PRKDC: variants seen among roughly 807,000 people sequenced by gnomAD.
PRKDC encodes DNA-dependent protein kinase catalytic subunit.
PRKDC carries 82 observed loss-of-function variants against 486.9 expected under a neutral mutation model. The ratio of observed to expected loss-of-function variants is 0.17; its 90% CI spans 0.14 to 0.20. The LOEUF (loss-of-function observed/expected upper bound fraction) is 0.20. Ranked by LOEUF, PRKDC falls within the 10% of genes least tolerant of loss-of-function variation. The pLI is 1.00. For synonymous variants in PRKDC, 1,895 were observed against 1,837.0 expected (o/e 1.03, Z -0.81); for missense variants, 4,504 against 5,038.2 (o/e 0.89, Z 3.21).
chr8:47,782,069 G>T lies in PRKDC; in HGVS notation c.11489+93C>A. The stretch of plus-strand genomic sequence containing the variant: ...AGCAGACTGCGGGGCAGGCAGTGTG[G>T]GCTCTCGAGCGCGCCTGTCACGGCC... On this transcript the variant is annotated intron_variant, in intron 80 of 85. Transcript: ENST00000314191. The surrounding 1 kb of genome is among the most constrained non-coding windows in gnomAD (Gnocchi z 4.9). 9.1e-7 allele frequency: 1 copy of T among 1,096,214 alleles called. No homozygotes were observed. The highest frequency in any genetic ancestry group is 1.4e-6 in the Non-Finnish European group (1 of 734,796). The allele number at this position is 1,096,214 out of a possible 1,614,324, so 67.9% of individuals were successfully genotyped here.
At chr8:47,946,177 A>C (rs1231919251) in intron 7 of PRKDC, among the ~76,000 whole-genome samples, 3 of 152,076 alleles carry the variant, frequency 2.0e-5, no homozygotes, top group Non-Finnish European at 4.4e-5. Flanking sequence ...TAAAAATAGG[A>C]AAAATTAGCT....
At chr8:47,777,176 T>C (rs577620814) in intron 84 of PRKDC, among the ~76,000 whole-genome samples, 193 bp from the exon 85 acceptor site, 4 of 151,950 alleles carry the variant, frequency 2.6e-5, no homozygotes, top group Admixed American at 2.0e-4. Context: ...GCCTCAGCAG[T>C]CCCCTTATTT....
rs1167261691 is a variant in PRKDC, at chr8:47,890,408, A to G, written c.3920T>C (p.Ile1307Thr). 7 of 1,604,410 alleles carry G rather than the reference A, an allele frequency of 4.4e-6. No homozygotes were observed. Among genetic ancestry groups the G allele is most frequent in the South Asian group, 3.4e-5 (3 of 89,418 alleles). The change falls in exon 32 of 86, where the codon ATA becomes ACA. Residue 1307 changes from isoleucine to threonine, a missense_variant. Ile to Thr is a moderately conservative substitution (Grantham distance 89). Around this residue, in one of 6 missense-constraint regions of PRKDC, gnomAD observed 1,969 missense variants for 2,068.9 expected, o/e 0.95. Coordinates refer to ENST00000314191, the MANE Select transcript of PRKDC (RefSeq NM_006904.7). ...FLESIAMHDIIAAEKCFGTGA... is the reference protein window; with the variant it reads ...FLESIAMHDITAAEKCFGTGA... ...AGTGCCAAAGCACTTTTCTGCTGCT[A>G]TAATGTCATGCATGGCAATGCTTTC...
intron 19 of PRKDC, among the ~76,000 whole-genome samples, chr8:47,928,255 G>A (rs2090187415): frequency 6.7e-6 from 1 of 149,628 alleles, no homozygotes; most frequent in South Asian, 2.1e-4. Flanking sequence ...TCCTTCAAGC[G>A]ATTCTCCTGC....
intron 40 of PRKDC, among the ~76,000 whole-genome samples, chr8:47,874,620 G>T (rs1229877249): frequency 6.6e-6 from 1 of 151,730 alleles, no homozygotes; most frequent in African/African-American, 2.4e-5. Context: ...TTACCCAAGT[G>T]TGGTGGTGTG....
Position 47,837,418 on chromosome 8 carries a change from A to C in PRKDC, c.7555T>G (p.Leu2519Val), listed in dbSNP as rs1373693505. ...TGGCTCCAGAAATTTCGAATAATTA[A>C]TCTGAAAAGCAAAGAGAAAAAAGTA... is the stretch of plus-strand genomic sequence containing the variant. Reference protein sequence around the residue: ...GLIDENPGLQLIIRNFWSHET... With the variant: ...GLIDENPGLQVIIRNFWSHET... The change falls in exon 57 of 86, where the codon TTA becomes GTA. Residue 2519 changes from leucine to valine, a missense_variant and splice_region_variant. Coordinates refer to ENST00000314191, the MANE Select transcript of PRKDC (RefSeq NM_006904.7). The C allele has an allele frequency of 6.3e-7, 1 of 1,596,448 alleles. No individual in the cohort carries two copies. Among genetic ancestry groups the C allele is most frequent in the South Asian group, 1.1e-5 (1 of 90,450 alleles).
chr8:47,945,718 G>A (rs1407003974), intron 7 of PRKDC, among the ~76,000 whole-genome samples: 7 of 151,848 alleles, frequency 4.6e-5, no homozygotes, highest in Non-Finnish European at 1.0e-4. Context: ...ACATAGGTGT[G>A]AAAATTCTAT....
chr8:47,803,557 C>T (rs2087154018), intron 69 of PRKDC, 77 bp from the exon 70 acceptor site: 2 of 1,348,918 alleles, frequency 1.5e-6, no homozygotes, highest in African/African-American at 1.4e-5. Context: ...GGCCTGCTTC[C>T]CCCTTTGCAC....
At chr8:47,802,144 A>G (rs1411610556) in intron 70 of PRKDC, among the ~76,000 whole-genome samples, 1 of 152,080 alleles carries the variant, frequency 6.6e-6, no homozygotes, top group Non-Finnish European at 1.5e-5. Flanking sequence ...AGGCACAATC[A>G]TGGCTCACTG....
intron 40 of PRKDC, 67 bp from the exon 41 acceptor site, chr8:47,864,830 A>G: frequency 7.6e-7 from 1 of 1,322,070 alleles, no homozygotes; most frequent in Non-Finnish European, 1.0e-6. Flanking sequence ...AGTGCCTACT[A>G]CATAACAGGC....
chr8:47,959,508 C>T (rs549934088), intron 1 of PRKDC, among the ~76,000 whole-genome samples: 3 of 152,058 alleles, frequency 2.0e-5, no homozygotes, highest in South Asian at 4.1e-4. Context: ...GAAACCCCAT[C>T]TCTACTAAAA....
At chr8:47,859,551 T>C in intron 46 of PRKDC, 60 bp downstream of exon 46, 1 of 1,567,686 alleles carries the variant, frequency 6.4e-7, no homozygotes, top group Non-Finnish European at 8.7e-7. Context: ...AAGGCATAGC[T>C]GTGACCCCCT....
At position 47,830,792 on chromosome 8, in the gene PRKDC, C is replaced by T. The variant is rs1048149228; in HGVS notation, c.8266-56G>A. The T allele has an allele frequency of 1.2e-5, 20 of 1,605,816 alleles. No homozygotes were observed. The African/African-American group carries it at 1.5e-4, about 12-fold the overall frequency. On this transcript the variant is annotated intron_variant, in intron 60 of 85. Coordinates refer to ENST00000314191, the MANE Select transcript of PRKDC (RefSeq NM_006904.7). Reference sequence around the variant, plus strand: ...AGCATTCTCATTGAAGGAAACTAGTCGTGCATGAGCTATGAGGCTGCCAGG... The same window carrying T: ...AGCATTCTCATTGAAGGAAACTAGTTGTGCATGAGCTATGAGGCTGCCAGG...
At chr8:47,849,071 G>T in intron 54 of PRKDC, 83 bp downstream of exon 54, 1 of 1,505,010 alleles carries the variant, frequency 6.6e-7, no homozygotes, top group Non-Finnish European at 9.0e-7. Flanking sequence ...AAACCCACAG[G>T]TTCTTCTTGA....
In PRKDC at chr8:47,821,613, T is replaced by C. The variant is rs2087597681; in HGVS notation, c.9102A>G (p.Pro3034=). The change falls in exon 65 of 86, where the codon CCA becomes CCG. Residue 3034 remains proline, a synonymous_variant. Coordinates refer to ENST00000314191, the MANE Select transcript of PRKDC (RefSeq NM_006904.7). ...AAATAATTTTACCCACCTGATAAAATGGTTCACTCCAGATTTTATTTAGGT... is the reference window on the plus strand; with the variant it reads ...AAATAATTTTACCCACCTGATAAAACGGTTCACTCCAGATTTTATTTAGGT... ...PPDLNKIWSE[P]FYQETYLPYM... is the part of the protein sequence containing the mutation. The C allele has an allele frequency of 6.3e-7, 1 of 1,594,994 alleles. No homozygotes were observed. The highest frequency in any genetic ancestry group is 8.6e-7 in the Non-Finnish European group (1 of 1,168,954).
intron 68 of PRKDC, among the ~76,000 whole-genome samples, chr8:47,809,789 C>T (rs948199322): frequency 6.6e-6 from 1 of 152,160 alleles, no homozygotes; most frequent in Non-Finnish European, 1.5e-5. Context: ...TAAAAGATGG[C>T]AGACTGTATG....
At chr8:47,828,913 C>G (rs934246336) in intron 61 of PRKDC, among the ~76,000 whole-genome samples, 1 of 152,150 alleles carries the variant, frequency 6.6e-6, no homozygotes, top group African/African-American at 2.4e-5. Flanking sequence ...CATCAGCTCC[C>G]GCAAATAGCA....
chr8:47,868,861 T>C (rs906591449), intron 40 of PRKDC, among the ~76,000 whole-genome samples: 4 of 152,146 alleles, frequency 2.6e-5, no homozygotes, highest in African/African-American at 9.7e-5. Context: ...AGCTGTGCAC[T>C]TGGGGGAGGA....
intron 3 of PRKDC, 62 bp from the exon 4 acceptor site, chr8:47,956,010 A>G (rs2090694735): frequency 8.2e-7 from 1 of 1,215,290 alleles, no homozygotes; most frequent in East Asian, 2.5e-5. Context: ...AGACTCAGCA[A>G]TACCTGAAAC....
Sources: gnomAD v4.1 joint callset for allele counts (sites outside exome capture counted in the v4.1 genomes callset) on GRCh38, gnomAD v4.1.1 for gene constraint, gnomAD v4.1.1 regional missense constraint, Gnocchi (gnomAD v3.1) non-coding constraint, MANE v1.5 for transcripts, NCBI Gene and HGNC (gene_info 2026-07-23, HGNC 2026-07-21) for gene names.